Variants in TMCO5A observed in about 807,000 individuals in gnomAD.
The protein encoded by TMCO5A is transmembrane and coiled-coil domains 5A.
Under a neutral mutation model 42.3 loss-of-function variants are expected in TMCO5A, and 34 were observed. That is an observed-to-expected ratio of 0.80 (90% CI 0.61 to 1.07). The LOEUF (loss-of-function observed/expected upper bound fraction) is 1.07. Among genes scored for constraint, TMCO5A ranks in the 50% least tolerant of loss-of-function variants. The pLI, the probability that TMCO5A is intolerant of heterozygous loss-of-function variation, is 0.00. For missense variants in TMCO5A, 357 were observed against 327.9 expected (o/e 1.09, Z -0.69); for synonymous variants, 131 against 115.6 (o/e 1.13, Z -0.86).
chr15:38,039,118 T>C, the TMCO5A span, among the ~76,000 whole-genome samples: 1 of 152,112 alleles, frequency 6.6e-6, no homozygotes, highest in East Asian at 1.9e-4. Flanking sequence ...AAAATGCAGG[T>C]TTTAATAGAA....
At chr15:38,005,395 C>CAAAAAAA in the TMCO5A span, among the ~76,000 whole-genome samples, 1 of 44,030 alleles carries the variant, frequency 2.3e-5, no homozygotes, top group African/African-American at 8.5e-5. Flanking sequence ...CCATCTCTAC[C>CAAAAAAA]AAAAAAAAAA....
At chr15:37,952,033 G>A (rs531829723), downstream of TMCO5A, among the ~76,000 whole-genome samples, 1 of 152,278 alleles carries the variant, frequency 6.6e-6, no homozygotes, top group East Asian at 1.9e-4. Context: ...AAACTCACCT[G>A]ACACCTGCCC....
chr15:37,990,895 T>G, the TMCO5A span, among the ~76,000 whole-genome samples: 2 of 152,070 alleles, frequency 1.3e-5, no homozygotes, highest in African/African-American at 4.8e-5. Context: ...ATACAAAACC[T>G]CTGGTCCTAT....
At chr15:38,007,878 T>TTTG in the TMCO5A span, among the ~76,000 whole-genome samples, 2 of 38,576 alleles carry the variant, frequency 5.2e-5, no homozygotes, top group African/African-American at 2.3e-4. Context: ...CACACTTTTT[T>TTTG]TTTTTTTTTT....
intron 7 of TMCO5A, 135 bp from the exon 8 acceptor site, chr15:37,941,536 A>G: frequency 1.4e-6 from 1 of 736,438 alleles, no homozygotes. Flanking sequence ...ATTTATCTGT[A>G]CAGCAAAAAA....
At chr15:37,968,810 T>G (rs1890617875), downstream of TMCO5A, among the ~76,000 whole-genome samples, 1 of 152,008 alleles carries the variant, frequency 6.6e-6, no homozygotes, top group Non-Finnish European at 1.5e-5. Flanking sequence ...CTCCAACTCC[T>G]GACCTCGTGA....
At chr15:38,038,936 CA>C in the TMCO5A span, among the ~76,000 whole-genome samples, 1 of 152,136 alleles carries the variant, frequency 6.6e-6, no homozygotes, top group Non-Finnish European at 1.5e-5. Flanking sequence ...GTCAGATCAC[CA>C]AGGAAGTGGA....
the TMCO5A span, among the ~76,000 whole-genome samples, chr15:38,001,014 A>G: frequency 6.6e-6 from 1 of 152,112 alleles, no homozygotes; most frequent in Non-Finnish European, 1.5e-5. Flanking sequence ...TATTAGGTGC[A>G]CTTGGTCTAT....
At chr15:37,998,355 C>T in the TMCO5A span, among the ~76,000 whole-genome samples, 2 of 152,222 alleles carry the variant, frequency 1.3e-5, no homozygotes, top group African/African-American at 4.8e-5. Flanking sequence ...GGACTTTAAT[C>T]CATTTTCATT....
chr15:38,002,239 TTTC>T, the TMCO5A span, among the ~76,000 whole-genome samples: 1 of 151,974 alleles, frequency 6.6e-6, no homozygotes, highest in Non-Finnish European at 1.5e-5. Flanking sequence ...ATGTTACTTA[TTTC>T]TTTTCTCTTG....
chr15:37,951,416 T>C lies in TMCO5A; in HGVS notation c.*182T>C. ...TAACCTTGACCAGTAAAAAGCTCTG[T>C]AATAGATTTATGTGGCTCTGTGGAT... On this transcript the variant is annotated 3_prime_UTR_variant, in exon 12 of 12. Coordinates refer to ENST00000319669, the MANE Select transcript of TMCO5A (RefSeq NM_152453.4). The C allele has an allele frequency of 1.7e-6, 1 of 592,644 alleles. No individual in the cohort carries two copies. The highest frequency in any genetic ancestry group is 2.8e-5 in the East Asian group (1 of 35,680). 36.7% of individuals were successfully genotyped at this position (592,644 alleles called of 1,614,324 possible). A position where few individuals can be genotyped will look rare whatever the true frequency, so the allele number is the denominator to read the frequency against.
the TMCO5A span, among the ~76,000 whole-genome samples, chr15:38,015,294 A>G: frequency 6.6e-6 from 1 of 152,158 alleles, no homozygotes; most frequent in African/African-American, 2.4e-5. Context: ...TAGAGGACAG[A>G]AAGTCAAATG....
At chr15:38,040,499 G>A in the TMCO5A span, 1 of 152,242 alleles carries the variant, frequency 6.6e-6, no homozygotes, top group Admixed American at 6.5e-5. Context: ...ATGTATGTGA[G>A]TGTTCGTAGC....
chr15:37,936,757 C>T, intron 3 of TMCO5A, 90 bp from the exon 4 acceptor site: 1 of 1,547,410 alleles, frequency 6.5e-7, no homozygotes, highest in Non-Finnish European at 8.8e-7. Flanking sequence ...GTACACTGTC[C>T]CTGAAGTTCC....
At chr15:37,974,697 C>T in the TMCO5A span, among the ~76,000 whole-genome samples, 64 of 152,130 alleles carry the variant, frequency 4.2e-4, no homozygotes, top group African/African-American at 1.4e-3. Context: ...AAAAAACCAA[C>T]TCCTGATGTG....
the TMCO5A span, chr15:37,984,681 C>CTTTTTTTTTTTTTT: frequency 9.6e-5 from 4 of 41,876 alleles, no homozygotes; most frequent in African/African-American, 3.1e-4. Context: ...GAACATTTGT[C>CTTTTTTTTTTTTTT]TTTTTTTTTT....
the TMCO5A span, among the ~76,000 whole-genome samples, chr15:38,027,914 C>T: frequency 6.6e-6 from 1 of 152,122 alleles, no homozygotes; most frequent in East Asian, 1.9e-4. Context: ...GATTGTAAGG[C>T]CTCCCCAGAC....
the TMCO5A span, among the ~76,000 whole-genome samples, chr15:38,010,126 C>T: frequency 3.8e-4 from 58 of 152,158 alleles, no homozygotes; most frequent in African/African-American, 1.3e-3. Context: ...GTAATCCCAG[C>T]ACTCTGGGAG....
chr15:37,966,998 A>G lies in TMCO5A; in HGVS notation c.*355A>G, dbSNP rs1228882341. 6.3e-5 allele frequency: 18 copies of G among 285,562 alleles called. 1 individual carries two copies. Among genetic ancestry groups the G allele is most frequent in the Non-Finnish European group, 7.8e-5 (12 of 153,056 alleles). The allele number at this position is 285,562 out of a possible 1,614,324, so 17.7% of individuals were successfully genotyped here. On this transcript the variant is annotated 3_prime_UTR_variant, in exon 12 of 12. Coordinates refer to the TMCO5A transcript ENST00000559502. The stretch of plus-strand genomic sequence containing the variant: ...GCTGGACACGCAAAAGCAGAGGTCT[A>G]CTTCATTGCTAAACTCTGTGTCTTC...
Sources: gnomAD v4.1 joint callset for allele counts (sites outside exome capture counted in the v4.1 genomes callset) on GRCh38, gnomAD v4.1.1 for gene constraint, MANE v1.5 for transcripts, NCBI Gene and HGNC (gene_info 2026-07-23, HGNC 2026-07-21) for gene names.